The following NCR1 variants were observed in gnomAD, a reference collection of about 807,000 sequenced individuals.
The protein encoded by NCR1 is natural cytotoxicity triggering receptor 1, also known as NK cell-activating receptor.
A neutral mutation model predicts 32.5 loss-of-function variants in NCR1; 30 were observed. That is an observed-to-expected ratio of 0.92 (90% CI 0.69 to 1.25). The LOEUF (loss-of-function observed/expected upper bound fraction) is 1.25. NCR1 is among the 50% of genes most tolerant of loss of function. The pLI is 0.00. For missense variants in NCR1, 369 were observed against 380.7 expected (o/e 0.97, Z 0.26); for synonymous variants, 169 against 143.4 (o/e 1.18, Z -1.28).
the NCR1 span, among the ~76,000 whole-genome samples, chr19:54,936,864 G>A: frequency 6.6e-6 from 1 of 151,840 alleles, no homozygotes; most frequent in South Asian, 2.1e-4. Context: ...GCAGTGAGCC[G>A]AGACCGCACC....
At chr19:54,911,413 T>TGTATGTGC (rs2067972928) in intron 5 of NCR1, among the ~76,000 whole-genome samples, 1 of 147,600 alleles carries the variant, frequency 6.8e-6, no homozygotes, top group Non-Finnish European at 1.5e-5. Context: ...TCACTATGTG[T>TGTATGTGC]GAGGAGAAAG....
the NCR1 span, among the ~76,000 whole-genome samples, chr19:54,931,209 G>T: frequency 6.6e-6 from 1 of 152,056 alleles, no homozygotes; most frequent in Non-Finnish European, 1.5e-5. Flanking sequence ...ATCATTTGAG[G>T]TCAGGAGTTC....
chr19:54,910,183 T>A, intron 5 of NCR1, 118 bp downstream of exon 5: 1 of 995,136 alleles, frequency 1.0e-6, no homozygotes, highest in Admixed American at 2.1e-5. Context: ...ACGCCTGTAA[T>A]CCCAGCACTT....
chr19:54,916,854 C>T (rs1485914985), downstream of NCR1, among the ~76,000 whole-genome samples: 3 of 151,214 alleles, frequency 2.0e-5, no homozygotes, highest in Non-Finnish European at 2.9e-5. Context: ...ACTGAGCCAC[C>T]GCGCCCAGCC....
chr19:54,937,099 TC>T, the NCR1 span, among the ~76,000 whole-genome samples: 1 of 150,300 alleles, frequency 6.7e-6, no homozygotes, highest in East Asian at 2.0e-4. Context: ...GCGCCTGTAG[TC>T]CCAGCTACTC....
chr19:54,934,422 G>A, the NCR1 span: 2 of 1,527,452 alleles, frequency 1.3e-6, no homozygotes, highest in East Asian at 2.3e-5. This position sits in a 1 kb window ranked among gnomAD's most constrained non-coding sequence, Gnocchi z 6.7. Flanking sequence ...AGTAAGTCAG[G>A]TGTTACCCTT....
the NCR1 span, chr19:54,934,739 T>A: frequency 3.4e-6 from 4 of 1,184,146 alleles, no homozygotes; most frequent in East Asian, 2.6e-5. This position sits in a 1 kb window ranked among gnomAD's most constrained non-coding sequence, Gnocchi z 6.7. Context: ...AGACAGAGTT[T>A]CACTCTGTTG....
At chr19:54,930,902 A>T in the NCR1 span, among the ~76,000 whole-genome samples, 3 of 152,054 alleles carry the variant, frequency 2.0e-5, no homozygotes, top group African/African-American at 7.2e-5. Context: ...GCACGCCTGT[A>T]GTGCCAGCTA....
chr19:54,914,632 C>T (rs943357426), downstream of NCR1, among the ~76,000 whole-genome samples: 6 of 152,116 alleles, frequency 3.9e-5, no homozygotes, highest in South Asian at 8.3e-4. Flanking sequence ...AGTCACCGTA[C>T]CCGGCCACCA....
At chr19:54,919,273 G>A (rs554776209), downstream of NCR1, among the ~76,000 whole-genome samples, 1,577 of 152,252 alleles carry the variant, frequency 0.01, 18 homozygotes, top group African/African-American at 0.036. Context: ...ACCAATGCGC[G>A]GAGACCGGTA....
chr19:54,905,569 A>G (rs1168137195), upstream of NCR1, among the ~76,000 whole-genome samples: 1 of 152,184 alleles, frequency 6.6e-6, no homozygotes, highest in Non-Finnish European at 1.5e-5. Context: ...AATATGTTTT[A>G]CGACTTGAGG....
At chr19:54,920,157 G>A (rs539656351), downstream of NCR1, among the ~76,000 whole-genome samples, 9 of 152,182 alleles carry the variant, frequency 5.9e-5, no homozygotes, top group African/African-American at 2.2e-4. Context: ...GTGCCTTGCC[G>A]CCCACAATCC....
chr19:54,919,967 C>T (rs1220653805), downstream of NCR1, among the ~76,000 whole-genome samples: 5 of 152,200 alleles, frequency 3.3e-5, no homozygotes, highest in East Asian at 5.8e-4. Context: ...TTTTCCTAGG[C>T]TATGATTATA....
chr19:54,918,434 A>C (rs1482624808), downstream of NCR1, among the ~76,000 whole-genome samples: 6 of 151,902 alleles, frequency 3.9e-5, no homozygotes, highest in African/African-American at 1.4e-4. Context: ...ATGCCTGGCT[A>C]ATTTTTTGTA....
chr19:54,908,810 A>G (rs1233030653), intron 3 of NCR1, among the ~76,000 whole-genome samples: 1 of 151,642 alleles, frequency 6.6e-6, no homozygotes. Context: ...TTGCATTTTT[A>G]GTAGAGACGG....
chr19:54,924,519 G>A, the NCR1 span, among the ~76,000 whole-genome samples: 4 of 152,184 alleles, frequency 2.6e-5, no homozygotes, highest in African/African-American at 9.6e-5. Context: ...AGCTACTCGG[G>A]AGGCGGAGGC....
At chr19:54,920,327 C>T (rs1378317446), downstream of NCR1, among the ~76,000 whole-genome samples, 1 of 152,134 alleles carries the variant, frequency 6.6e-6, no homozygotes, top group Non-Finnish European at 1.5e-5. Context: ...GGGGCAGGCT[C>T]AGGCTCATCC....
chr19:54,920,123 T>G (rs770155504), downstream of NCR1, among the ~76,000 whole-genome samples: 4 of 151,248 alleles, frequency 2.6e-5, no homozygotes, highest in Non-Finnish European at 5.9e-5. Context: ...GCTCGTGTCC[T>G]CTGTCTCTTG....
At position 54,909,455 on chromosome 19, in the gene NCR1, G is replaced by A. The variant is rs772041783; in HGVS notation, c.566G>A (p.Arg189Gln). The A allele has an allele frequency of 6.9e-5, 112 of 1,612,268 alleles. No individual in the cohort carries two copies. The highest frequency in any genetic ancestry group is 7.6e-5 in the Non-Finnish European group (90 of 1,180,022). The change falls in exon 4 of 7, where the codon CGA (arginine) becomes CAA (glutamine). Residue 189 changes from arginine to glutamine, a missense_variant. By Grantham distance (43) the Arg-to-Gln change is conservative. Coordinates refer to ENST00000291890, the MANE Select transcript of NCR1 (RefSeq NM_004829.7). Reference protein sequence around the residue: ...PVTTAHRGTYRCFGSYNNHAW... With the variant: ...PVTTAHRGTYQCFGSYNNHAW... ...ACCACAGCCCACAGAGGGACATACC[G>A]ATGTTTTGGCTCCTATAACAACCAT...
Sources: allele counts gnomAD v4.1 joint callset (sites outside exome capture counted in the v4.1 genomes callset), GRCh38; gene constraint gnomAD v4.1.1; non-coding constraint Gnocchi (gnomAD v3.1); transcripts MANE v1.5; gene names NCBI Gene and HGNC (gene_info 2026-07-23, HGNC 2026-07-21).